Variants in ETF1 observed in about 807,000 individuals in gnomAD.
ETF1 encodes the protein eukaryotic translation termination factor 1, also known as eukaryotic peptide chain release factor subunit 1.
ETF1 carries 4 observed loss-of-function variants against 55.1 expected under a neutral mutation model. That is an observed-to-expected ratio of 0.07 (90% CI 0.04 to 0.17). ETF1 has a LOEUF of 0.17. Ranked by LOEUF, ETF1 falls within the 10% of genes least tolerant of loss-of-function variation. The pLI is 1.00. For missense variants in ETF1, 142 were observed against 523.6 expected (o/e 0.27, Z 7.11); for synonymous variants, 157 against 182.3 (o/e 0.86, Z 1.12).
intron 2 of ETF1, among the ~76,000 whole-genome samples, chr5:138,523,316 G>A (rs1003575553): frequency 3.3e-5 from 5 of 152,026 alleles, no homozygotes; most frequent in African/African-American, 4.8e-5. Context: ...GCAATGAGCC[G>A]AGATAGAGCC....
intron 5 of ETF1, chr5:138,513,243 C>CT (rs1410982140): frequency 3.1e-6 from 3 of 978,062 alleles, no homozygotes; most frequent in Non-Finnish European, 3.6e-6. Flanking sequence ...CTCTCTCTCT[C>CT]TTTTTTGAGA....
chr5:138,510,941 A>G lies in ETF1; in HGVS notation c.1018+104T>C. ...TGAAGGACTGGGGAACAATGGGTAG[A>G]TCTACCTTCTGATTGCTCCTGAAAT... On this transcript the variant is annotated intron_variant, in intron 8 of 10. Transcript: ENST00000360541. 4 of 1,529,306 alleles carry G rather than the reference A, an allele frequency of 2.6e-6. No homozygotes were observed. The Admixed American group carries it at 8.3e-5, about 32-fold the overall frequency. 94.7% of individuals were successfully genotyped at this position (1,529,306 alleles called of 1,614,324 possible). A position where few individuals can be genotyped will look rare whatever the true frequency, so the allele number is the denominator to read the frequency against.
intron 2 of ETF1, among the ~76,000 whole-genome samples, chr5:138,538,876 C>T (rs1310880821): frequency 2.0e-5 from 3 of 152,140 alleles, no homozygotes; most frequent in Non-Finnish European, 4.4e-5. Context: ...ATTCAATGAT[C>T]TCGCCAAAAC....
chr5:138,519,231 G>A (rs1442586672), intron 2 of ETF1: 8 of 981,862 alleles, frequency 8.1e-6, no homozygotes, highest in African/African-American at 5.2e-5. Flanking sequence ...TTCAAATGTG[G>A]TGGTTGAGTG....
rs1764863068 is a variant in ETF1, at chr5:138,512,578, A to G, written c.732+186T>C. 3 of 484,020 alleles carry G rather than the reference A, an allele frequency of 6.2e-6. No homozygotes were observed. The East Asian group carries it at 1.1e-4, about 17-fold the overall frequency. The allele number at this position is 484,020 out of a possible 1,614,324, so 30.0% of individuals were successfully genotyped here. ...ACCTAAAAATGGTTGATTTCAGAAGAGAAGGGGTTCAGAAAAGCACAGGGG... is the reference window on the plus strand; with the variant it reads ...ACCTAAAAATGGTTGATTTCAGAAGGGAAGGGGTTCAGAAAAGCACAGGGG... On this transcript the variant is annotated intron_variant, in intron 6 of 10. Coordinates refer to ENST00000360541, the MANE Select transcript of ETF1 (RefSeq NM_004730.4).
chr5:138,543,041 C>T (rs1199276231), intron 1 of ETF1, 56 bp downstream of exon 1: 3 of 998,378 alleles, frequency 3.0e-6, no homozygotes, highest in Non-Finnish European at 4.5e-6. Flanking sequence ...GCCCTCTCCT[C>T]CCGTCCGGTG....
chr5:138,511,196 T>A lies in ETF1; in HGVS notation c.867A>T (p.Arg289=). The A allele has an allele frequency of 6.2e-7, 1 of 1,614,086 alleles. No individual in the cohort carries two copies. Among genetic ancestry groups the A allele is most frequent in the Non-Finnish European group, 8.5e-7 (1 of 1,180,022 alleles). The part of the protein sequence containing the change: ...KFIQEKKLIG[R]YFDEISQDTG... ...TGTCCTGGCTGATTTCATCAAAGTA[T>A]CGTCCTACGATTAGGGATCAGTCAA... Residue 289 remains arginine, a synonymous_variant, in exon 8 of 11, where the codon CGA becomes CGT. Transcript: ENST00000360541.
intron 2 of ETF1, among the ~76,000 whole-genome samples, chr5:138,524,856 A>G (rs185990787): frequency 0.013 from 1,930 of 151,746 alleles, 16 homozygotes; most frequent in African/African-American, 0.029. Context: ...GATTACAGGC[A>G]TGAGCCACCG....
intron 2 of ETF1, chr5:138,542,566 G>A: frequency 2.3e-6 from 3 of 1,319,932 alleles, no homozygotes; most frequent in Non-Finnish European, 2.0e-6. Flanking sequence ...CGGGAGAGGT[G>A]CAAAAGTAGC....
intron 4 of ETF1, among the ~76,000 whole-genome samples, chr5:138,515,249 A>C (rs1764971921): frequency 6.6e-6 from 1 of 152,176 alleles, no homozygotes; most frequent in South Asian, 2.1e-4. Context: ...CAACATGGTG[A>C]AATCTCATCT....
At chr5:138,539,791 T>C (rs1290902918) in intron 2 of ETF1, among the ~76,000 whole-genome samples, 1 of 152,224 alleles carries the variant, frequency 6.6e-6, no homozygotes, top group Non-Finnish European at 1.5e-5. Flanking sequence ...AGACTACATT[T>C]TAAGGAAATC....
chr5:138,510,079 C>G (rs992294097), intron 9 of ETF1, among the ~76,000 whole-genome samples: 31 of 149,554 alleles, frequency 2.1e-4, no homozygotes, highest in African/African-American at 7.3e-4. Flanking sequence ...AAAAAAAGAC[C>G]GGTCATGGTG....
At chr5:138,508,648 G>GT (rs1456743696) in intron 10 of ETF1, 21 bp downstream of exon 10, 4 of 1,611,746 alleles carry the variant, frequency 2.5e-6, no homozygotes. Context: ...TTTAAGTTTG[G>GT]TTTGCTGATT....
At chr5:138,527,455 T>G (rs1385092637) in intron 2 of ETF1, among the ~76,000 whole-genome samples, 1 of 152,254 alleles carries the variant, frequency 6.6e-6, no homozygotes, top group Non-Finnish European at 1.5e-5. Flanking sequence ...AAACACTTGC[T>G]AGGCTTCTAA....
At chr5:138,515,232 G>A (rs1270129978) in intron 4 of ETF1, among the ~76,000 whole-genome samples, 1 of 152,134 alleles carries the variant, frequency 6.6e-6, no homozygotes, top group Non-Finnish European at 1.5e-5. Flanking sequence ...TTTCAGACCA[G>A]CCTAGCCAAC....
chr5:138,541,613 A>T, intron 2 of ETF1: 9 of 1,529,564 alleles, frequency 5.9e-6, no homozygotes, highest in Non-Finnish European at 7.9e-6. Context: ...AAAATTGCAA[A>T]TCTACCCATA....
At chr5:138,528,114 C>T (rs1345514707) in intron 2 of ETF1, among the ~76,000 whole-genome samples, 2 of 152,146 alleles carry the variant, frequency 1.3e-5, no homozygotes, top group Non-Finnish European at 2.9e-5. Context: ...AAAAAGCCGA[C>T]ATGCTCTGAC....
At chr5:138,536,997 A>C (rs1011879489) in intron 2 of ETF1, among the ~76,000 whole-genome samples, 1 of 152,182 alleles carries the variant, frequency 6.6e-6, no homozygotes, top group African/African-American at 2.4e-5. Context: ...CCCTGGAAGC[A>C]TAAGTATATC....
chr5:138,537,365 G>A (rs982754706), intron 2 of ETF1, among the ~76,000 whole-genome samples: 2 of 152,138 alleles, frequency 1.3e-5, no homozygotes, highest in African/African-American at 4.8e-5. Context: ...ACATTACAGA[G>A]CACTCTCTAT....
Sources: allele counts gnomAD v4.1 joint callset (sites outside exome capture counted in the v4.1 genomes callset), GRCh38; gene constraint gnomAD v4.1.1; transcripts MANE v1.5; gene names NCBI Gene and HGNC (gene_info 2026-07-23, HGNC 2026-07-21).